The following FBXW11 variants were observed in gnomAD, a reference collection of about 807,000 sequenced individuals.
FBXW11 encodes F-box and WD repeat domain containing 11.
A neutral mutation model predicts 77.6 loss-of-function variants in FBXW11; 19 were observed. The ratio of observed to expected loss-of-function variants is 0.24; its 90% CI spans 0.17 to 0.36. The LOEUF (loss-of-function observed/expected upper bound fraction) is 0.36. Ranked by LOEUF, FBXW11 falls within the 10% of genes least tolerant of loss-of-function variation. The pLI is 1.00. For missense variants in FBXW11, 334 were observed against 704.2 expected (o/e 0.47, Z 5.95); for synonymous variants, 235 against 249.4 (o/e 0.94, Z 0.54).
chr5:171,884,439 A>G (rs1450988548), intron 7 of FBXW11, among the ~76,000 whole-genome samples: 6 of 152,168 alleles, frequency 3.9e-5, no homozygotes, highest in African/African-American at 1.4e-4. Context: ...TTTGGTGACT[A>G]TAAGCACTAT....
chr5:171,992,190 G>A (rs1314607244), intron 1 of FBXW11, among the ~76,000 whole-genome samples: 1 of 151,524 alleles, frequency 6.6e-6, no homozygotes, highest in Non-Finnish European at 1.5e-5. Context: ...AGCACTTTTG[G>A]AGGCCAAGGC....
At chr5:171,982,554 C>T (rs1394098982) in intron 1 of FBXW11, among the ~76,000 whole-genome samples, 1 of 152,218 alleles carries the variant, frequency 6.6e-6, no homozygotes, top group Non-Finnish European at 1.5e-5. Flanking sequence ...TGAGCCACCA[C>T]GCCCAGCCAG....
chr5:171,923,884 G>A (rs1427110368), intron 2 of FBXW11, among the ~76,000 whole-genome samples: 1 of 149,374 alleles, frequency 6.7e-6, no homozygotes, highest in Admixed American at 6.7e-5. Flanking sequence ...AGGCAGACAG[G>A]GGAGGGTCCG....
chr5:171,861,691 C>CA lies in FBXW11; in HGVS notation c.*2435dup, dbSNP rs1377634924. 6.6e-6 allele frequency: 1 copy of CA among 152,606 alleles called. No individual in the cohort carries two copies. The allele number at this position is 152,606 out of a possible 1,614,324, so 9.5% of individuals were successfully genotyped here. A position where few individuals can be genotyped will look rare whatever the true frequency, so the allele number is the denominator to read the frequency against. On this transcript the variant is annotated 3_prime_UTR_variant, in exon 14 of 14. Transcript: ENST00000517395. ...ACTTAGCAATTTACTGGACAAAAGT[C>CA]AAACTTTTTTGTTTTTTATTAAGCA...
intron 2 of FBXW11, among the ~76,000 whole-genome samples, chr5:171,921,044 T>G (rs1264113634): frequency 6.6e-6 from 1 of 152,206 alleles, no homozygotes; most frequent in South Asian, 2.1e-4. Flanking sequence ...CTGGGTAATT[T>G]AGTACAGCAA....
intron 2 of FBXW11, among the ~76,000 whole-genome samples, chr5:171,933,677 T>A (rs1380287078): frequency 6.6e-6 from 1 of 152,154 alleles, no homozygotes; most frequent in Admixed American, 6.5e-5. Context: ...ATCCAAAGGA[T>A]ACAAAGCCTT....
Position 171,914,396 on chromosome 5 carries a change from C to A in FBXW11, c.157G>T (p.Val53Phe). The A allele has an allele frequency of 6.2e-7, 1 of 1,601,910 alleles. No homozygotes were observed. Among genetic ancestry groups the A allele is most frequent in the Non-Finnish European group, 8.5e-7 (1 of 1,175,656 alleles). Residue 53 changes from valine to phenylalanine, a missense_variant, in exon 3 of 14, where the codon GTT becomes TTT. Val to Phe is a conservative substitution (Grantham distance 50). This residue lies in a region of FBXW11 where 80 missense variants were observed against 105.1 expected (regional missense o/e 0.76). Transcript: ENST00000517395. ...PSVRCLQNTS[V>F]MEDQNEDESP... Reference sequence around the variant, plus strand: ...TCATCTTCATTTTGATCTTCCATAACTGAAGTGTTCTAGGGGGGGAAAAAC... The same window carrying A: ...TCATCTTCATTTTGATCTTCCATAAATGAAGTGTTCTAGGGGGGGAAAAAC...
In FBXW11 at chr5:171,893,421, C is replaced by CAAAA. The variant is rs397999920; in HGVS notation, c.715-1821_715-1818dup. ...GACATACAAAAGCACACTTCAAAAC[C>CAAAA]AAAAAAAAAAAAAAAAAAAAAAAAA... On this transcript the variant is annotated intron_variant, in intron 6 of 13. Coordinates refer to ENST00000517395, the MANE Select transcript of FBXW11 (RefSeq NM_001378974.1). 9.4e-3 allele frequency among the ~76,000 whole-genome samples: 375 copies of CAAAA among 39,822 alleles called. 62 individuals carry two copies. The highest frequency in any genetic ancestry group is 0.029 in the African/African-American group (345 of 11,858). The allele number at this position is 39,822 out of a possible 152,430, so 26.1% of individuals were successfully genotyped here.
chr5:171,929,896 G>A (rs184221010), intron 2 of FBXW11, among the ~76,000 whole-genome samples: 64 of 152,072 alleles, frequency 4.2e-4, no homozygotes, highest in African/African-American at 1.5e-3. Flanking sequence ...AAAGTGATGG[G>A]ATATTAGTGA....
At chr5:171,936,498 CAA>C (rs551599131) in intron 2 of FBXW11, among the ~76,000 whole-genome samples, 3 of 63,834 alleles carry the variant, frequency 4.7e-5, no homozygotes, top group Non-Finnish European at 7.0e-5. Context: ...CCTGTCTCAC[CAA>C]AAAAAAAAAA....
chr5:171,970,783 G>A (rs1260374429), intron 1 of FBXW11, among the ~76,000 whole-genome samples: 4 of 152,186 alleles, frequency 2.6e-5, no homozygotes. Context: ...TAATTTTACA[G>A]TAAAGTTTAC....
chr5:171,897,752 TC>T (rs1300240750), intron 6 of FBXW11, among the ~76,000 whole-genome samples: 1 of 151,264 alleles, frequency 6.6e-6, no homozygotes, highest in East Asian at 1.9e-4. Flanking sequence ...TAGTTGCCCC[TC>T]ATCAAGTGAA....
chr5:171,961,988 T>G (rs1351818133), intron 1 of FBXW11, among the ~76,000 whole-genome samples: 1 of 152,192 alleles, frequency 6.6e-6, no homozygotes, highest in Non-Finnish European at 1.5e-5. Flanking sequence ...TTTAGGGACA[T>G]GGCTGGAAAC....
rs192904857 is a variant in FBXW11, at chr5:171,917,410, C to T, written c.148-3005G>A. Among the ~76,000 whole-genome samples the T allele has an allele frequency of 4.6e-3, 706 of 152,120 alleles. 3 individuals carry two copies. The highest frequency in any genetic ancestry group is 7.6e-3 in the Non-Finnish European group (519 of 67,986). Reference sequence around the variant, plus strand: ...AGAAAATTTCACTCTTCATTTATTCCAAAACAGAGAAATGATGTTTACTTA... The same window carrying T: ...AGAAAATTTCACTCTTCATTTATTCTAAAACAGAGAAATGATGTTTACTTA... On this transcript the variant is annotated intron_variant, in intron 2 of 13. Coordinates refer to ENST00000517395, the MANE Select transcript of FBXW11 (RefSeq NM_001378974.1).
intron 2 of FBXW11, among the ~76,000 whole-genome samples, chr5:171,956,057 C>T (rs1365898271): frequency 6.6e-6 from 1 of 152,194 alleles, no homozygotes; most frequent in Non-Finnish European, 1.5e-5. Flanking sequence ...CAAGACCTCA[C>T]TAACAACTAC....
At chr5:171,903,088 GGTC>G (rs902258996) in intron 4 of FBXW11, among the ~76,000 whole-genome samples, 1 of 152,018 alleles carries the variant, frequency 6.6e-6, no homozygotes, top group Non-Finnish European at 1.5e-5. Context: ...TTTGGAGTTT[GGTC>G]TTCTTGGTAC....
intron 1 of FBXW11, among the ~76,000 whole-genome samples, chr5:171,965,064 G>A (rs1264680999): frequency 6.6e-6 from 1 of 152,084 alleles, no homozygotes; most frequent in Non-Finnish European, 1.5e-5. Flanking sequence ...AGGATGAGAA[G>A]AATGAGGAAA....
chr5:171,983,040 A>C (rs1318662410), intron 1 of FBXW11, among the ~76,000 whole-genome samples: 1 of 152,152 alleles, frequency 6.6e-6, no homozygotes, highest in Non-Finnish European at 1.5e-5. Flanking sequence ...GTCTATACAA[A>C]AAAATGAAAA....
chr5:171,868,910 GA>G (rs1757594033), intron 12 of FBXW11, 114 bp from the exon 13 acceptor site: 2 of 863,990 alleles, frequency 2.3e-6, no homozygotes, highest in Non-Finnish European at 3.5e-6. Context: ...CTTCCTAAAC[GA>G]CTGTACAGAG....
Sources: gnomAD v4.1 joint callset for allele counts (sites outside exome capture counted in the v4.1 genomes callset) on GRCh38, gnomAD v4.1.1 for gene constraint, gnomAD v4.1.1 regional missense constraint, MANE v1.5 for transcripts, NCBI Gene and HGNC (gene_info 2026-07-23, HGNC 2026-07-21) for gene names.